The following PON2 variants were observed in gnomAD, a reference collection of about 807,000 sequenced individuals.
The protein encoded by PON2 is paraoxonase 2.
A neutral mutation model predicts 36.6 loss-of-function variants in PON2; 27 were observed. The ratio of observed to expected loss-of-function variants is 0.74; its 90% CI spans 0.54 to 1.02. The LOEUF is 1.02. Among genes scored for constraint, PON2 ranks in the 50% least tolerant of loss-of-function variants. PON2 has a pLI of 0.00. For missense variants in PON2, 363 were observed against 421.1 expected (o/e 0.86, Z 1.21); for synonymous variants, 149 against 156.3 (o/e 0.95, Z 0.35).
chr7:95,408,910 C>T (rs1809782122), intron 6 of PON2, among the ~76,000 whole-genome samples: 1 of 152,152 alleles, frequency 6.6e-6, no homozygotes, highest in Non-Finnish European at 1.5e-5. Flanking sequence ...TTCTAGGGGT[C>T]TGTTCTACAG....
At chr7:95,406,871 C>A in intron 7 of PON2, 116 bp downstream of exon 7, 1 of 648,688 alleles carries the variant, frequency 1.5e-6, no homozygotes, top group Non-Finnish European at 2.7e-6. Flanking sequence ...ATTTAAAAAC[C>A]CAGAATAGCT....
chr7:95,432,196 G>A (rs1789459225), intron 1 of PON2, among the ~76,000 whole-genome samples: 1 of 152,306 alleles, frequency 6.6e-6, no homozygotes, highest in South Asian at 2.1e-4. Flanking sequence ...CATCACTTGA[G>A]GCTGGGAGTT....
intron 8 of PON2, 80 bp from the exon 9 acceptor site, chr7:95,405,568 C>T (rs1809662334): frequency 7.5e-7 from 1 of 1,336,168 alleles, no homozygotes; most frequent in African/African-American, 1.4e-5. Context: ...CTGTTTTCCA[C>T]AATGACACAC....
At position 95,407,981 on chromosome 7, in the gene PON2, C is replaced by A. The variant is rs17717505; in HGVS notation, c.696-913G>T. Reference sequence around the variant, plus strand: ...GAAGGAATGTTTAAAACAATGAGTTCTTTGTCTAAAGCATAGAAAGCATGG... The same window carrying A: ...GAAGGAATGTTTAAAACAATGAGTTATTTGTCTAAAGCATAGAAAGCATGG... On this transcript the variant is annotated intron_variant, in intron 6 of 8. Transcript: ENST00000222572. Among the ~76,000 whole-genome samples, 87 of 152,242 alleles carry A rather than the reference C, an allele frequency of 5.7e-4. 1 individual carries two copies. The East Asian group carries it at 0.016, about 27-fold the overall frequency.
chr7:95,406,930 CTA>C (rs1348205335), intron 7 of PON2, 55 bp downstream of exon 7: 7 of 1,089,194 alleles, frequency 6.4e-6, no homozygotes, highest in Non-Finnish European at 9.6e-6. Flanking sequence ...TATAGAAAAA[CTA>C]TGTCATTGCA....
Position 95,424,620 on chromosome 7 carries a change from C to A in PON2, c.75-35G>T, listed in dbSNP as rs534284290. ...AGAAAAAAAAACAAAAAACAAAAAA[C>A]TATTTGTTTATGTATTCCCTGCTTT... On this transcript the variant is annotated intron_variant, in intron 1 of 8. Transcript: ENST00000222572. The A allele has an allele frequency of 3.2e-6, 5 of 1,549,232 alleles. No individual in the cohort carries two copies. The African/African-American group carries it at 6.8e-5, about 21-fold the overall frequency.
Position 95,414,385 on chromosome 7 carries a change from T to A in PON2, c.201+1857A>T, listed in dbSNP as rs549571423. 3.9e-5 allele frequency among the ~76,000 whole-genome samples: 6 copies of A among 152,180 alleles called. No individual in the cohort carries two copies. The East Asian group carries it at 1.2e-3, about 29-fold the overall frequency. On this transcript the variant is annotated intron_variant, in intron 3 of 8. Coordinates refer to ENST00000222572, the MANE Select transcript of PON2 (RefSeq NM_000305.3). Reference sequence around the variant, plus strand: ...GCAAACTGGGAATGTTTCTAAATTTTAAAAAAAGTCAAATGAGCAAAGGAG... The same window carrying A: ...GCAAACTGGGAATGTTTCTAAATTTAAAAAAAAGTCAAATGAGCAAAGGAG...
intron 3 of PON2, 104 bp from the exon 4 acceptor site, chr7:95,412,581 G>T: frequency 1.6e-6 from 2 of 1,239,702 alleles, no homozygotes; most frequent in Non-Finnish European, 2.3e-6. Context: ...GGTTAAAGTA[G>T]TGGCATAAAG....
chr7:95,415,614 A>T (rs1789043226), intron 3 of PON2, among the ~76,000 whole-genome samples: 1 of 152,190 alleles, frequency 6.6e-6, no homozygotes, highest in Admixed American at 6.5e-5. Flanking sequence ...AGTATTGAGT[A>T]TCCACAGTAA....
chr7:95,407,585 A>G (rs9640633), intron 6 of PON2, among the ~76,000 whole-genome samples: 84,373 of 151,998 alleles, frequency 0.56, 24,385 homozygotes, highest in East Asian at 0.83. Flanking sequence ...GTGAATTAAC[A>G]GACTATTTTG....
At position 95,425,605 on chromosome 7, in the gene PON2, T is replaced by C. The variant is rs986888864; in HGVS notation, c.75-1020A>G. On this transcript the variant is annotated intron_variant, in intron 1 of 8. Transcript: ENST00000222572. ...AGACGAAATAGCTATTTGCCATGTG[T>C]CCTTCTCCTGTGCATATTCCTGACA... Among the ~76,000 whole-genome samples the C allele has an allele frequency of 2.8e-4, 43 of 152,312 alleles. 1 individual carries two copies. The highest frequency in any genetic ancestry group is 1.0e-3 in the South Asian group (5 of 4,832).
rs17876183 is a variant in PON2 at position 95,434,956 on chromosome 7, C to T, written c.-5G>A. 30,113 of 1,524,682 alleles carry T rather than the reference C, an allele frequency of 0.02. 388 individuals are homozygous for T. Among genetic ancestry groups the T allele is most frequent in the Non-Finnish European group, 0.024 (27,127 of 1,140,816 alleles). 94.4% of individuals were successfully genotyped at this position (1,524,682 alleles called of 1,614,324 possible). ...CACAGCCACCAGCCGCCCCATGGCG[C>T]GGGAGCCGGGCGCGCTGCCTCGCTC... On this transcript the variant is annotated 5_prime_UTR_variant, in exon 1 of 9. Coordinates refer to ENST00000222572, the MANE Select transcript of PON2 (RefSeq NM_000305.3).
rs1809646294 is a variant in PON2 at position 95,405,224 on chromosome 7, A to C, written c.*106T>G. On this transcript the variant is annotated 3_prime_UTR_variant, in exon 9 of 9. Coordinates refer to ENST00000222572, the MANE Select transcript of PON2 (RefSeq NM_000305.3). ...CTTACTGGAATAAAATTAACTACAC[A>C]TGCCATACATTTCTGGGTCAATGTT... 2 of 1,220,442 alleles carry C rather than the reference A, an allele frequency of 1.6e-6. No individual in the cohort carries two copies. Among genetic ancestry groups the C allele is most frequent in the African/African-American group, 3.0e-5 (2 of 66,246 alleles). 75.6% of individuals were successfully genotyped at this position (1,220,442 alleles called of 1,614,324 possible).
chr7:95,412,241 C>A, intron 4 of PON2, 71 bp downstream of exon 4: 2 of 1,563,332 alleles, frequency 1.3e-6, no homozygotes, highest in Admixed American at 1.7e-5. Context: ...AAATATGATC[C>A]AAATCTATTT....
chr7:95,409,998 GT>G lies in PON2; in HGVS notation c.597del (p.Leu199PhefsTer17), dbSNP rs1562785289. On this transcript the variant is annotated frameshift_variant, in exon 6 of 9. Coordinates refer to ENST00000222572, the MANE Select transcript of PON2 (RefSeq NM_000305.3). LOFTEE classifies it high-confidence loss of function. ...CTGTAGTAAACAACATTTGCCCAGT[GT>G]AAGTTCAAGTATGTTTCTAAATACT... is the stretch of plus-strand genomic sequence containing the variant. ...FLKYLETYLNLHWANVVYYSP... is the reference protein window; with the variant it reads ...FLKYLETYLNXHWANVVYYSP... 2 of 1,613,692 alleles carry G rather than the reference GT, an allele frequency of 1.2e-6. No homozygotes were observed. Among genetic ancestry groups the G allele is most frequent in the Non-Finnish European group, 1.7e-6 (2 of 1,179,718 alleles).
intron 6 of PON2, among the ~76,000 whole-genome samples, chr7:95,408,866 A>C (rs1809780128): frequency 7.1e-6 from 1 of 141,386 alleles, no homozygotes; most frequent in African/African-American, 2.6e-5. Flanking sequence ...GTTAACATTT[A>C]AAAGAATCAC....
At chr7:95,422,033 C>T (rs552286103) in intron 2 of PON2, among the ~76,000 whole-genome samples, 21 of 152,162 alleles carry the variant, frequency 1.4e-4, no homozygotes, top group African/African-American at 4.3e-4. Flanking sequence ...AACAACAATC[C>T]CATTGTTAAG....
chr7:95,425,168 T>C (rs11770901), intron 1 of PON2, among the ~76,000 whole-genome samples: 36,764 of 152,032 alleles, frequency 0.24, 4,850 homozygotes, highest in South Asian at 0.34. Flanking sequence ...TGGGGGTACA[T>C]GTGGTTTTTG....
At position 95,411,737 on chromosome 7, in the gene PON2, T is replaced by G; in HGVS notation, c.410A>C (p.Lys137Thr). The G allele has an allele frequency of 6.2e-7, 1 of 1,613,670 alleles. No individual in the cohort carries two copies. Among genetic ancestry groups the G allele is most frequent in the Non-Finnish European group, 8.5e-7 (1 of 1,179,652 alleles). ...AAATTTAAAAATTTCCACTGTATTC[T>G]TGAATTCTGGGTGGTTTACAACAAA... is the stretch of plus-strand genomic sequence containing the variant. ...YLFVVNHPEF[K>T]NTVEIFKFEE... is the part of the protein sequence containing the mutation. The change falls in exon 5 of 9, where the codon AAG (lysine) becomes ACG (threonine). Residue 137 changes from lysine to threonine, a missense_variant. Transcript: ENST00000222572.
Sources: gnomAD v4.1 joint callset for allele counts (sites outside exome capture counted in the v4.1 genomes callset) on GRCh38, gnomAD v4.1.1 for gene constraint, MANE v1.5 for transcripts, NCBI Gene and HGNC (gene_info 2026-07-23, HGNC 2026-07-21) for gene names.